HAPSTR1: variants seen among roughly 807,000 people sequenced by gnomAD.
HAPSTR1 encodes the protein HUWE1-associated protein modifying stress responses 1.
the HAPSTR1 span, chr16:9,109,226 CT>C: frequency 6.6e-6 from 1 of 152,122 alleles, no homozygotes; most frequent in African/African-American, 2.4e-5. Flanking sequence ...CAGAGTTGCC[CT>C]GTCCAACCCA....
chr16:9,103,014 A>G, the HAPSTR1 span: 1 of 1,613,964 alleles, frequency 6.2e-7, no homozygotes, highest in Non-Finnish European at 8.5e-7. Flanking sequence ...CGAAGTTTTG[A>G]TATTGGAATT....
chr16:9,119,457 C>T, the HAPSTR1 span: 6 of 152,364 alleles, frequency 3.9e-5, no homozygotes, highest in East Asian at 1.2e-3. Flanking sequence ...TTTTAGACGT[C>T]ATAGCTCCTT....
the HAPSTR1 span, chr16:9,116,650 C>A: frequency 6.2e-7 from 1 of 1,606,222 alleles, no homozygotes; most frequent in Non-Finnish European, 8.5e-7. Flanking sequence ...ACTCTAAAAC[C>A]TTTTTTCTTC....
chr16:9,101,387 C>A, the HAPSTR1 span, among the ~76,000 whole-genome samples: 1 of 152,202 alleles, frequency 6.6e-6, no homozygotes, highest in East Asian at 1.9e-4. Context: ...CACTCTTGAG[C>A]TGCTTTTTAT....
At chr16:9,109,418 A>G in the HAPSTR1 span, 7 of 152,232 alleles carry the variant, frequency 4.6e-5, no homozygotes, top group East Asian at 1.9e-4. Flanking sequence ...CACTCGTAGC[A>G]TATCATAGGT....
At chr16:9,107,767 C>T in the HAPSTR1 span, 1 of 152,376 alleles carries the variant, frequency 6.6e-6, no homozygotes, top group African/African-American at 2.4e-5. Context: ...GGCTCCCAAT[C>T]TCTGTAGCCT....
the HAPSTR1 span, among the ~76,000 whole-genome samples, chr16:9,098,982 A>G: frequency 6.6e-6 from 1 of 152,108 alleles, no homozygotes; most frequent in African/African-American, 2.4e-5. Flanking sequence ...GAGTAATCTG[A>G]TTAATTTTAT....
chr16:9,092,892 G>GT, the HAPSTR1 span: 167,966 of 1,114,574 alleles, frequency 0.15, 33 homozygotes, highest in South Asian at 0.17. Flanking sequence ...TTTCTTTTTG[G>GT]TTTTTTTTTT....
At chr16:9,116,543 A>G in the HAPSTR1 span, 4 of 1,246,452 alleles carry the variant, frequency 3.2e-6, no homozygotes, top group Non-Finnish European at 4.5e-6. Flanking sequence ...ATTGCTTACT[A>G]GTAATCCCTT....
At chr16:9,117,489 A>G in the HAPSTR1 span, 1 of 154,022 alleles carries the variant, frequency 6.5e-6, no homozygotes, top group South Asian at 2.0e-4. Context: ...TGATGTAAAG[A>G]GGTGCTATGA....
the HAPSTR1 span, chr16:9,116,914 C>G: frequency 1.2e-6 from 2 of 1,612,884 alleles, no homozygotes; most frequent in Non-Finnish European, 1.7e-6. Context: ...ATGATCTAAA[C>G]TGCAAACATT....
chr16:9,120,997 G>A, the HAPSTR1 span: 3 of 152,080 alleles, frequency 2.0e-5, no homozygotes, highest in Non-Finnish European at 4.4e-5. Flanking sequence ...TGTTTTTTGA[G>A]ATGGAGTCTC....
the HAPSTR1 span, among the ~76,000 whole-genome samples, chr16:9,100,550 T>G: frequency 1.3e-5 from 2 of 152,176 alleles, no homozygotes; most frequent in Non-Finnish European, 2.9e-5. Flanking sequence ...TCTTTTTTTT[T>G]TGAGAGAGAG....
At chr16:9,093,142 G>A in the HAPSTR1 span, 2 of 846,956 alleles carry the variant, frequency 2.4e-6, no homozygotes, top group East Asian at 2.7e-5. Flanking sequence ...TCGCGGCGGT[G>A]CTCTAGCTAG....
the HAPSTR1 span, among the ~76,000 whole-genome samples, chr16:9,095,301 G>C: frequency 6.6e-6 from 1 of 152,132 alleles, no homozygotes; most frequent in Admixed American, 6.5e-5. Flanking sequence ...TAGAGAACAG[G>C]CATACAGCTG....
chr16:9,092,952 C>T, the HAPSTR1 span: 4 of 1,607,540 alleles, frequency 2.5e-6, no homozygotes, highest in Non-Finnish European at 3.4e-6. Flanking sequence ...GACTTTCTCT[C>T]TGGGTCCCCT....
the HAPSTR1 span, among the ~76,000 whole-genome samples, chr16:9,098,118 G>T: frequency 1.4e-4 from 22 of 152,264 alleles, no homozygotes; most frequent in African/African-American, 4.3e-4. Flanking sequence ...ATCATTTGAG[G>T]TCGGGAGTTT....
the HAPSTR1 span, chr16:9,109,944 T>C: frequency 1.3e-5 from 2 of 152,188 alleles, no homozygotes; most frequent in Non-Finnish European, 2.9e-5. Flanking sequence ...ACTATTGTCC[T>C]TTATTTACTG....
chr16:9,115,927 TA>T, the HAPSTR1 span, among the ~76,000 whole-genome samples: 1 of 152,132 alleles, frequency 6.6e-6, no homozygotes, highest in African/African-American at 2.4e-5. Flanking sequence ...CAGTAACTCT[TA>T]ATGTTGAAAA....
Sources: allele counts gnomAD v4.1 joint callset (sites outside exome capture counted in the v4.1 genomes callset), GRCh38; gene constraint gnomAD v4.1.1; transcripts MANE v1.5; gene names NCBI Gene and HGNC (gene_info 2026-07-23, HGNC 2026-07-21).